The following WFDC1 variants were observed in gnomAD, a reference collection of about 807,000 sequenced individuals.
WFDC1 encodes the protein WAP four-disulfide core domain 1.
In WFDC1, 39 loss-of-function variants were observed where a neutral mutation model predicts 32.9. That is an observed-to-expected ratio of 1.19 (90% CI 0.92 to 1.55). WFDC1 has a LOEUF of 1.55. Ranked by LOEUF, WFDC1 falls within the 40% of genes most tolerant of loss-of-function variation. The probability of loss-of-function intolerance (pLI) is 0.00; values close to 1 mark genes in which losing one functional copy is unlikely to be tolerated. For missense variants in WFDC1, 386 were observed against 309.5 expected, an observed-to-expected ratio of 1.25 and a Z score of -1.85; for synonymous variants, 184 against 137.4, an observed-to-expected ratio of 1.34 and a Z score of -2.37.
At chr16:84,295,541 AC>A (rs1344327812) in intron 1 of WFDC1, 1 of 235,070 alleles carries the variant, frequency 4.3e-6, no homozygotes, top group African/African-American at 2.2e-5. Context: ...ACTCTGTTAA[AC>A]AGAATTTAGC....
At chr16:84,327,257 C>T in intron 6 of WFDC1, 3 of 332,276 alleles carry the variant, frequency 9.0e-6, no homozygotes, top group East Asian at 5.9e-5. Context: ...CTGGCACAAT[C>T]ATTGTTCACT....
At chr16:84,312,805 G>A (rs957138230) in intron 1 of WFDC1, among the ~76,000 whole-genome samples, 156 bp from the exon 2 acceptor site, 1 of 152,220 alleles carries the variant, frequency 6.6e-6, no homozygotes. Flanking sequence ...CTTCTGAGCC[G>A]CCCTCCGAGG....
chr16:84,328,931 T>C (rs1445083308), intron 6 of WFDC1: 5 of 147,640 alleles, frequency 3.4e-5, no homozygotes, highest in Admixed American at 6.9e-5. Flanking sequence ...CCAGCCTGGG[T>C]GACAGAGTGA....
At chr16:84,298,376 T>A (rs1224910480) in intron 1 of WFDC1, among the ~76,000 whole-genome samples, 1 of 152,142 alleles carries the variant, frequency 6.6e-6, no homozygotes, top group Non-Finnish European at 1.5e-5. Context: ...ATTATAGGTG[T>A]GAGCCACCGC....
chr16:84,326,827 G>T (rs545872703), intron 5 of WFDC1, 55 bp from the exon 6 acceptor site: 199 of 1,607,786 alleles, frequency 1.2e-4, no homozygotes, highest in Non-Finnish European at 1.6e-4. Flanking sequence ...GCCACGGGGG[G>T]CATTAGAGCA....
intron 2 of WFDC1, among the ~76,000 whole-genome samples, chr16:84,314,360 G>C (rs76779872): frequency 1.3e-5 from 2 of 152,122 alleles, no homozygotes; most frequent in African/African-American, 4.8e-5. Context: ...GCCCCTAAGC[G>C]GGTAGGATTT....
chr16:84,311,527 CTTTTTTTTTT>C, intron 1 of WFDC1, among the ~76,000 whole-genome samples: 1 of 88,686 alleles, frequency 1.1e-5, no homozygotes, highest in South Asian at 4.3e-4. Flanking sequence ...TGCGCCTGGA[CTTTTTTTTTT>C]TTTTTTTTTT....
At chr16:84,312,643 A>G (rs1034670236) in intron 1 of WFDC1, among the ~76,000 whole-genome samples, 6 of 152,126 alleles carry the variant, frequency 3.9e-5, no homozygotes, top group Admixed American at 2.6e-4. Context: ...TACCACATAT[A>G]TTATGTATTA....
intron 1 of WFDC1, among the ~76,000 whole-genome samples, chr16:84,301,187 C>A (rs1906910636): frequency 1.3e-5 from 2 of 152,142 alleles, no homozygotes; most frequent in African/African-American, 4.8e-5. Context: ...ACCAACCCTG[C>A]CAGACACCTG....
At position 84,311,454 on chromosome 16, in the gene WFDC1, T is replaced by A. The variant is rs143179118; in HGVS notation, c.145-1507T>A. On this transcript the variant is annotated intron_variant, in intron 1 of 6. Transcript: ENST00000219454. ...CGTGTTAGCCAGGATGGTCTCGATCTCCTGACCTCATGATCCACCTACCTT... is the reference window on the plus strand; with the variant it reads ...CGTGTTAGCCAGGATGGTCTCGATCACCTGACCTCATGATCCACCTACCTT... Among the ~76,000 whole-genome samples, 421 of 147,620 alleles carry A rather than the reference T, an allele frequency of 2.9e-3. 7 individuals are homozygous for A. The highest frequency in any genetic ancestry group is 0.021 in the Admixed American group (309 of 14,518).
chr16:84,316,814 C>G (rs1907976786), intron 2 of WFDC1: 1 of 151,960 alleles, frequency 6.6e-6, no homozygotes, highest in Non-Finnish European at 1.5e-5. Context: ...CCCGTCTCTA[C>G]TAAAAATACA....
chr16:84,295,074 T>C lies in WFDC1; in HGVS notation c.103T>C (p.Trp35Arg). 1.2e-6 allele frequency: 2 copies of C among 1,614,210 alleles called. No individual in the cohort carries two copies. The highest frequency in any genetic ancestry group is 2.2e-5 in the East Asian group (1 of 44,862). The change falls in exon 1 of 7, where the codon TGG (tryptophan) becomes CGG (arginine). Residue 35 changes from tryptophan to arginine, a missense_variant. Trp to Arg is a moderately radical substitution (Grantham distance 101). Transcript: ENST00000219454. ...CCACGCCGGCTCTGCCAAGAATATC[T>C]GGAAACGGGCATTGCCTGCGAGGCT... ...LLHAGSAKNIWKRALPARLAE... is the reference protein window; with the variant it reads ...LLHAGSAKNIRKRALPARLAE...
At chr16:84,310,672 A>G (rs910238207) in intron 1 of WFDC1, among the ~76,000 whole-genome samples, 1 of 152,106 alleles carries the variant, frequency 6.6e-6, no homozygotes, top group South Asian at 2.1e-4. Flanking sequence ...AGATATATAT[A>G]TGTTACATCT....
intron 4 of WFDC1, 48 bp from the exon 5 acceptor site, chr16:84,324,371 G>C (rs1404078254): frequency 6.4e-7 from 1 of 1,572,146 alleles, no homozygotes; most frequent in Non-Finnish European, 8.7e-7. Context: ...AACAGTTTTG[G>C]CCTTCTAAAC....
intron 1 of WFDC1, among the ~76,000 whole-genome samples, chr16:84,310,546 T>C (rs1438951020): frequency 6.6e-6 from 1 of 152,140 alleles, no homozygotes; most frequent in Non-Finnish European, 1.5e-5. Context: ...GGGTGTACAA[T>C]AGAAAGAAAT....
intron 1 of WFDC1, among the ~76,000 whole-genome samples, chr16:84,299,023 G>T (rs963347913): frequency 6.6e-6 from 1 of 152,164 alleles, no homozygotes; most frequent in African/African-American, 2.4e-5. Flanking sequence ...GCACAGAACT[G>T]CATTCCCTAC....
intron 2 of WFDC1, chr16:84,317,720 G>C (rs1270367766): frequency 1.9e-5 from 3 of 154,976 alleles, no homozygotes; most frequent in Non-Finnish European, 4.3e-5. Context: ...AAAAAATAAA[G>C]TATTAGTTAG....
At chr16:84,318,151 T>G in intron 2 of WFDC1, 121 bp from the exon 3 acceptor site, 4 of 843,568 alleles carry the variant, frequency 4.7e-6, no homozygotes, top group African/African-American at 1.7e-5. Flanking sequence ...CCAGGAACCA[T>G]AGTTATTTCT....
intron 2 of WFDC1, among the ~76,000 whole-genome samples, chr16:84,314,273 C>T (rs1567658804): frequency 6.6e-6 from 1 of 152,212 alleles, no homozygotes; most frequent in Middle Eastern, 3.4e-3. Context: ...GTGACCCCGT[C>T]GGGGACAGTA....
Sources: gnomAD v4.1 joint callset for allele counts (sites outside exome capture counted in the v4.1 genomes callset) on GRCh38, gnomAD v4.1.1 for gene constraint, MANE v1.5 for transcripts, NCBI Gene and HGNC (gene_info 2026-07-23, HGNC 2026-07-21) for gene names.